ATP8A2: variants seen among roughly 807,000 people sequenced by gnomAD.
The protein encoded by ATP8A2 is phospholipid-transporting ATPase IB.
A neutral mutation model predicts 165.6 loss-of-function variants in ATP8A2; 100 were observed. The observed-to-expected ratio is 0.60, with a 90% CI of 0.51 to 0.71. ATP8A2 has a LOEUF of 0.71. Ranked by LOEUF, ATP8A2 falls within the 30% of genes least tolerant of loss-of-function variation. The pLI is 0.00. For missense variants in ATP8A2, 1,227 were observed against 1,479.5 expected, an observed-to-expected ratio of 0.83 and a Z score of 2.80; for synonymous variants, 543 against 548.8, an observed-to-expected ratio of 0.99 and a Z score of 0.15.
At chr13:25,424,588 A>C (rs1430360453) in intron 1 of ATP8A2, among the ~76,000 whole-genome samples, 2 of 152,196 alleles carry the variant, frequency 1.3e-5, no homozygotes, top group Non-Finnish European at 2.9e-5. Context: ...AAATATTTAC[A>C]GGGTTCCTTT....
At chr13:25,701,526 CT>C (rs1566061187) in intron 25 of ATP8A2, among the ~76,000 whole-genome samples, 1 of 152,132 alleles carries the variant, frequency 6.6e-6, no homozygotes, top group African/African-American at 2.4e-5. Flanking sequence ...GGTCATCCCC[CT>C]GACTCGCTGG....
chr13:25,721,929 G>A (rs988953476), intron 25 of ATP8A2, among the ~76,000 whole-genome samples: 1 of 152,142 alleles, frequency 6.6e-6, no homozygotes, highest in Non-Finnish European at 1.5e-5. Flanking sequence ...TTTTTGCAAG[G>A]ATATGTGTTT....
chr13:26,007,361 A>G (rs937976503), intron 35 of ATP8A2, among the ~76,000 whole-genome samples: 4 of 152,174 alleles, frequency 2.6e-5, no homozygotes, highest in African/African-American at 9.7e-5. Context: ...AGTGCTTCCT[A>G]CACCTCCAGT....
At chr13:25,922,554 G>A (rs577235533) in intron 33 of ATP8A2, among the ~76,000 whole-genome samples, 37 of 152,256 alleles carry the variant, frequency 2.4e-4, no homozygotes, top group Non-Finnish European at 4.3e-4. Context: ...TTGGTTTCCC[G>A]TAGGCAGCTG....
In ATP8A2 at chr13:25,403,789, G is replaced by A. The variant is rs114525234; in HGVS notation, c.76+31501G>A. On this transcript the variant is annotated intron_variant, in intron 1 of 36. Coordinates refer to ENST00000381655, the MANE Select transcript of ATP8A2 (RefSeq NM_016529.6). Reference sequence around the variant, plus strand: ...GTCCCTCATTGCAGCTATGGCACTTGGAGATCAGTGGTTTAAAAGAGTAGA... The same window carrying A: ...GTCCCTCATTGCAGCTATGGCACTTAGAGATCAGTGGTTTAAAAGAGTAGA... Among the ~76,000 whole-genome samples the A allele has an allele frequency of 8.5e-3, 1,302 of 152,308 alleles. 12 individuals are homozygous for A. The highest frequency in any genetic ancestry group is 0.026 in the African/African-American group (1,065 of 41,556).
At chr13:25,637,201 T>A (rs2041393002) in intron 24 of ATP8A2, among the ~76,000 whole-genome samples, 6 of 151,110 alleles carry the variant, frequency 4.0e-5, no homozygotes, top group Admixed American at 4.0e-4. Flanking sequence ...AGATGGGTGA[T>A]ATCTGCATTT....
intron 27 of ATP8A2, among the ~76,000 whole-genome samples, chr13:25,813,511 A>G (rs531879750): frequency 6.6e-6 from 1 of 152,258 alleles, no homozygotes; most frequent in Non-Finnish European, 1.5e-5. Flanking sequence ...GGTATGATAT[A>G]TGATATGGTA....
rs377037073 is a variant in ATP8A2 at position 25,541,982 on chromosome 13, G to C, written c.715G>C (p.Glu239Gln). ...EVLMKLSGTI[E>Q]CEGPNRHLYD... is the part of the protein sequence containing the mutation. Reference sequence around the variant, plus strand: ...TCTGATGAAGTTATCTGGAACTATAGAGTGTGAAGGGCCCAACCGCCACCT... The same window carrying C: ...TCTGATGAAGTTATCTGGAACTATACAGTGTGAAGGGCCCAACCGCCACCT... The change falls in exon 9 of 37, where the codon GAG (glutamate) becomes CAG (glutamine). Residue 239 changes from glutamate to glutamine, a missense_variant. Around this residue, in one of 5 missense-constraint regions of ATP8A2, gnomAD observed 356 missense variants for 394.9 expected, o/e 0.90. Coordinates refer to ENST00000381655, the MANE Select transcript of ATP8A2 (RefSeq NM_016529.6). The C allele has an allele frequency of 2.0e-5, 33 of 1,613,982 alleles. No homozygotes were observed. Among genetic ancestry groups the C allele is most frequent in the Non-Finnish European group, 2.7e-5 (32 of 1,179,988 alleles).
chr13:25,887,670 CAA>C (rs1953201929), intron 33 of ATP8A2, among the ~76,000 whole-genome samples: 1 of 152,154 alleles, frequency 6.6e-6, no homozygotes, highest in African/African-American at 2.4e-5. Flanking sequence ...TAAATTCAGA[CAA>C]GAGAGGAAAG....
chr13:25,919,663 C>T (rs528607511), intron 33 of ATP8A2, among the ~76,000 whole-genome samples: 12 of 152,258 alleles, frequency 7.9e-5, no homozygotes, highest in African/African-American at 2.6e-4. Flanking sequence ...ATCACTGCCC[C>T]TCATACTCTG....
At position 25,939,318 on chromosome 13, in the gene ATP8A2, G is replaced by A. The variant is rs56862002; in HGVS notation, c.3184-22257G>A. Among the ~76,000 whole-genome samples, 169 of 152,206 alleles carry A rather than the reference G, an allele frequency of 1.1e-3. 1 individual carries two copies. The highest frequency in any genetic ancestry group is 3.9e-3 in the African/African-American group (161 of 41,524). ...TTCCTTTTAGAGCTTCCAATCTATG[G>A]ATCTGGTTATTTGTTTGCCCGTTTT... is the stretch of plus-strand genomic sequence containing the variant. On this transcript the variant is annotated intron_variant, in intron 33 of 36. Transcript: ENST00000381655.
At chr13:26,004,126 CAA>C (rs558751148) in intron 35 of ATP8A2, among the ~76,000 whole-genome samples, 95 of 152,168 alleles carry the variant, frequency 6.2e-4, no homozygotes, top group African/African-American at 2.3e-3. Flanking sequence ...ATTATTTTAA[CAA>C]TAGTGTTGTT....
chr13:25,932,507 C>T (rs993091880), intron 33 of ATP8A2, among the ~76,000 whole-genome samples: 7 of 152,190 alleles, frequency 4.6e-5, no homozygotes, highest in African/African-American at 1.7e-4. Flanking sequence ...AATACTTGCA[C>T]CTTGTGGTCA....
intron 2 of ATP8A2, among the ~76,000 whole-genome samples, chr13:25,475,893 A>C (rs536690987): frequency 2.0e-5 from 3 of 152,244 alleles, no homozygotes; most frequent in Non-Finnish European, 2.9e-5. Context: ...AATTTGTTTC[A>C]GTTCCTTATA....
At chr13:25,390,652 A>G (rs9553602) in intron 1 of ATP8A2, among the ~76,000 whole-genome samples, 75,924 of 152,004 alleles carry the variant, frequency 0.5, 22,993 homozygotes, top group Non-Finnish European at 0.67. Flanking sequence ...TCATCCGGCC[A>G]GGTGCAGTGG....
intron 28 of ATP8A2, among the ~76,000 whole-genome samples, chr13:25,831,073 G>A (rs77507519): frequency 0.016 from 2,431 of 152,258 alleles, 42 homozygotes; most frequent in Non-Finnish European, 0.027. Context: ...GCATTTGCTA[G>A]TGATCCTCCT....
At chr13:25,547,952 G>A (rs1010671735) in intron 10 of ATP8A2, among the ~76,000 whole-genome samples, 9 of 152,184 alleles carry the variant, frequency 5.9e-5, no homozygotes, top group Non-Finnish European at 1.0e-4. Context: ...GGCCAGGTGC[G>A]GTGGCTCACA....
intron 33 of ATP8A2, among the ~76,000 whole-genome samples, chr13:25,928,452 C>T (rs1954672879): frequency 6.6e-6 from 1 of 152,176 alleles, no homozygotes; most frequent in African/African-American, 2.4e-5. Context: ...TTAGCTCAGC[C>T]AGTCCCTTCT....
chr13:25,579,751 G>A (rs1403156804), intron 21 of ATP8A2, 57 bp from the exon 22 acceptor site: 2 of 1,591,836 alleles, frequency 1.3e-6, no homozygotes, highest in Non-Finnish European at 1.7e-6. Context: ...AGCACAGGCT[G>A]TCCCCTAGGA....
Sources: allele counts gnomAD v4.1 joint callset (sites outside exome capture counted in the v4.1 genomes callset), GRCh38; gene constraint gnomAD v4.1.1; regional missense constraint gnomAD v4.1.1; transcripts MANE v1.5; gene names NCBI Gene and HGNC (gene_info 2026-07-23, HGNC 2026-07-21).